BACH2: variants seen among roughly 807,000 people sequenced by gnomAD.
BACH2 encodes BACH transcriptional regulator 2, also known as transcription regulator protein BACH2.
Under a neutral mutation model 61.8 loss-of-function variants are expected in BACH2, and 5 were observed. The ratio of observed to expected loss-of-function variants is 0.08; its 90% CI spans 0.04 to 0.17. BACH2 has a LOEUF of 0.17. Among genes scored for constraint, BACH2 ranks in the 10% least tolerant of loss-of-function variants. BACH2 has a pLI of 1.00. For synonymous variants in BACH2, 446 were observed against 440.1 expected (o/e 1.01, Z -0.17); for missense variants, 824 against 1,091.1 (o/e 0.76, Z 3.45).
intron 5 of BACH2, among the ~76,000 whole-genome samples, chr6:90,078,334 G>A (rs1781565866): frequency 6.6e-6 from 1 of 152,126 alleles, no homozygotes; most frequent in Admixed American, 6.6e-5. Flanking sequence ...AAAACAGGGA[G>A]AAGGTAAAAA....
intron 6 of BACH2, among the ~76,000 whole-genome samples, chr6:89,967,311 G>C (rs989968600): frequency 6.6e-6 from 1 of 152,050 alleles, no homozygotes; most frequent in African/African-American, 2.4e-5. Context: ...ATGAACCTTT[G>C]GTTTTTGACA....
chr6:90,215,109 A>G (rs1769487993), intron 3 of BACH2, among the ~76,000 whole-genome samples: 1 of 152,028 alleles, frequency 6.6e-6, no homozygotes, highest in South Asian at 2.1e-4. Context: ...TTTTTGAGGG[A>G]GTACCATGTC....
At chr6:90,010,194 T>C (rs1777633168) in intron 5 of BACH2, among the ~76,000 whole-genome samples, 1 of 152,202 alleles carries the variant, frequency 6.6e-6, no homozygotes, top group South Asian at 2.1e-4. Context: ...ACAATAAAGA[T>C]AGTAAACAAA....
intron 6 of BACH2, among the ~76,000 whole-genome samples, chr6:89,987,540 A>G (rs1776308788): frequency 6.6e-6 from 1 of 152,214 alleles, no homozygotes; most frequent in African/African-American, 2.4e-5. Flanking sequence ...GCTACCATGT[A>G]AAGATGAGAT....
At chr6:90,011,835 C>A (rs1024608955) in intron 5 of BACH2, among the ~76,000 whole-genome samples, 1 of 103,038 alleles carries the variant, frequency 9.7e-6, no homozygotes. Flanking sequence ...ACAGGAGAAT[C>A]GCTTGAACCC....
intron 5 of BACH2, among the ~76,000 whole-genome samples, chr6:90,074,655 AAG>A (rs1192538679): frequency 6.6e-6 from 1 of 152,160 alleles, no homozygotes; most frequent in African/African-American, 2.4e-5. Context: ...CTTTCCTTGG[AAG>A]AGACTCCATT....
At chr6:90,044,160 A>G (rs1012617845) in intron 5 of BACH2, among the ~76,000 whole-genome samples, 10 of 152,216 alleles carry the variant, frequency 6.6e-5, no homozygotes, top group Non-Finnish European at 1.5e-4. Context: ...TGAATCTACA[A>G]TAATGTGCTG....
intron 6 of BACH2, among the ~76,000 whole-genome samples, chr6:89,956,582 G>T (rs1774440363): frequency 6.6e-6 from 1 of 152,126 alleles, no homozygotes. Flanking sequence ...AGAAAGTTTG[G>T]GCACTGTTTG....
Position 90,022,242 on chromosome 6 carries a change from C to A in BACH2, c.-12-13386G>T, listed in dbSNP as rs181274498. 1.4e-3 allele frequency among the ~76,000 whole-genome samples: 206 copies of A among 152,238 alleles called. 2 individuals are homozygous for A. Among genetic ancestry groups the A allele is most frequent in the African/African-American group, 4.9e-3 (203 of 41,536 alleles). On this transcript the variant is annotated intron_variant, in intron 5 of 8. Coordinates refer to ENST00000257749, the MANE Select transcript of BACH2 (RefSeq NM_021813.4). ...AAAATAACCCAAATTTCCAAAATAT[C>A]TGGTAATAAACTTGTGGCAACTACT...
chr6:90,230,365 A>G (rs970837067), intron 3 of BACH2, among the ~76,000 whole-genome samples: 1 of 152,212 alleles, frequency 6.6e-6, no homozygotes, highest in African/African-American at 2.4e-5. Context: ...CATCATACCT[A>G]TACATGTGTA....
At chr6:90,077,713 C>T (rs1443761158) in intron 5 of BACH2, among the ~76,000 whole-genome samples, 1 of 152,134 alleles carries the variant, frequency 6.6e-6, no homozygotes. Context: ...TATATCTGTC[C>T]TGTATTTTAA....
intron 4 of BACH2, among the ~76,000 whole-genome samples, chr6:90,199,241 G>A (rs754293160): frequency 6.6e-6 from 1 of 152,204 alleles, no homozygotes; most frequent in Non-Finnish European, 1.5e-5. Flanking sequence ...TGCACACAAA[G>A]AGAGAACAAC....
intron 5 of BACH2, among the ~76,000 whole-genome samples, chr6:90,036,306 G>A (rs1467588776): frequency 1.3e-5 from 2 of 151,440 alleles, no homozygotes; most frequent in Non-Finnish European, 2.9e-5. Flanking sequence ...GCATATCCCT[G>A]CAAATTTGCT....
intron 4 of BACH2, among the ~76,000 whole-genome samples, chr6:90,188,525 GA>G (rs1269063293): frequency 6.7e-6 from 1 of 150,224 alleles, no homozygotes; most frequent in Non-Finnish European, 1.5e-5. Flanking sequence ...AAAACACGAA[GA>G]AAAAAAGAAA....
intron 4 of BACH2, among the ~76,000 whole-genome samples, chr6:90,170,518 T>A (rs1767776836): frequency 6.6e-6 from 1 of 152,148 alleles, no homozygotes; most frequent in Non-Finnish European, 1.5e-5. Context: ...AGTAAATGAG[T>A]GACTGATTCT....
chr6:90,112,452 C>A (rs1406910367), intron 4 of BACH2, among the ~76,000 whole-genome samples: 1 of 152,172 alleles, frequency 6.6e-6, no homozygotes, highest in Non-Finnish European at 1.5e-5. Context: ...CTATATTCAA[C>A]ATTCTTACAG....
At chr6:90,247,956 A>G (rs1353876811) in intron 3 of BACH2, among the ~76,000 whole-genome samples, 1 of 152,166 alleles carries the variant, frequency 6.6e-6, no homozygotes, top group Non-Finnish European at 1.5e-5. Context: ...TTACTCTCTT[A>G]TATGTTATAC....
chr6:89,951,584 C>G lies in BACH2; in HGVS notation c.522G>C (p.Glu174Asp). 6.2e-7 allele frequency: 1 copy of G among 1,614,146 alleles called. No individual in the cohort carries two copies. The highest frequency in any genetic ancestry group is 8.5e-7 in the Non-Finnish European group (1 of 1,180,038). ...EDEEEETMDS[E>D]TAKMACPRDQ... ...CCCTGGGGCAAGCCATCTTGGCCGT[C>G]TCTGAATCCATCGTCTCCTCCTCTT... Residue 174 changes from glutamate (E) to aspartate (D), a missense_variant, in exon 7 of 9, where the codon GAG becomes GAC. This residue lies in a region of BACH2 where 107 missense variants were observed against 121.7 expected (regional missense o/e 0.88). Coordinates refer to ENST00000257749, the MANE Select transcript of BACH2 (RefSeq NM_021813.4). The surrounding 1 kb of genome is among the most constrained non-coding windows in gnomAD (Gnocchi z 6.4).
intron 5 of BACH2, among the ~76,000 whole-genome samples, chr6:90,014,785 T>C (rs1289305102): frequency 6.6e-6 from 1 of 151,808 alleles, no homozygotes; most frequent in Non-Finnish European, 1.5e-5. Context: ...TTTATTTTTT[T>C]TATTTTTTAA....
Sources: allele counts gnomAD v4.1 joint callset (sites outside exome capture counted in the v4.1 genomes callset), GRCh38; gene constraint gnomAD v4.1.1; regional missense constraint gnomAD v4.1.1; non-coding constraint Gnocchi (gnomAD v3.1); transcripts MANE v1.5; gene names NCBI Gene and HGNC (gene_info 2026-07-23, HGNC 2026-07-21).